The following DOCK1 variants were observed in gnomAD, a reference collection of about 807,000 sequenced individuals.
DOCK1 encodes the protein dedicator of cytokinesis protein 1.
Under a neutral mutation model 262.7 loss-of-function variants are expected in DOCK1, and 138 were observed. The observed-to-expected ratio is 0.53, with a 90% confidence interval of 0.46 to 0.61. The LOEUF is 0.61. DOCK1 is among the 20% of genes least tolerant of loss of function. The pLI is 0.00. For synonymous variants in DOCK1, 866 were observed against 867.4 expected (o/e 1.00, Z 0.03); for missense variants, 1,908 against 2,370.7 (o/e 0.80, Z 4.05).
chr10:127,218,458 C>G (rs1056078234), intron 27 of DOCK1, among the ~76,000 whole-genome samples: 1 of 152,084 alleles, frequency 6.6e-6, no homozygotes, highest in Admixed American at 6.5e-5. Flanking sequence ...AAAGTTAAGA[C>G]TAGAACAGAA....
At chr10:127,030,279 T>C (rs1345516684) in intron 16 of DOCK1, among the ~76,000 whole-genome samples, 1 of 152,206 alleles carries the variant, frequency 6.6e-6, no homozygotes, top group East Asian at 1.9e-4. Flanking sequence ...TTCTGTGCTC[T>C]GCTGGGATTG....
chr10:127,068,537 A>G (rs1158979202), intron 23 of DOCK1, among the ~76,000 whole-genome samples: 1 of 152,180 alleles, frequency 6.6e-6, no homozygotes, highest in Non-Finnish European at 1.5e-5. Context: ...CAAAGCAGCC[A>G]TTTATTGTGT....
rs117173752 is a variant in DOCK1, at chr10:127,273,233, T to C, written c.3044+15804T>C. On this transcript the variant is annotated intron_variant, in intron 29 of 51. Coordinates refer to ENST00000623213, the MANE Select transcript of DOCK1 (RefSeq NM_001290223.2). ...GCAGTGGGTGGATGTAGGGCTGGGC[T>C]CCTTGGACCGAGGCTGAACCATAAA... is the stretch of plus-strand genomic sequence containing the variant. Among the ~76,000 whole-genome samples, 15 of 152,320 alleles carry C rather than the reference T, an allele frequency of 9.8e-5. No homozygotes were observed. In the East Asian group the frequency reaches 2.9e-3, roughly 29 times the overall value.
chr10:127,193,464 T>A (rs2056889337), intron 27 of DOCK1, among the ~76,000 whole-genome samples: 1 of 152,090 alleles, frequency 6.6e-6, no homozygotes, highest in Non-Finnish European at 1.5e-5. Flanking sequence ...CTTTGGGAGG[T>A]AGCTGTGATC....
chr10:127,163,020 G>A (rs980366739), intron 27 of DOCK1, among the ~76,000 whole-genome samples: 5 of 152,126 alleles, frequency 3.3e-5, no homozygotes, highest in African/African-American at 4.8e-5. Context: ...TCCTTGGTCC[G>A]GGCCCGGCTT....
chr10:127,077,584 T>C (rs1032921755), intron 23 of DOCK1, among the ~76,000 whole-genome samples: 6 of 152,094 alleles, frequency 3.9e-5, no homozygotes, highest in Non-Finnish European at 4.4e-5. Context: ...TACTCGACTT[T>C]ATAGCATATT....
intron 14 of DOCK1, among the ~76,000 whole-genome samples, chr10:127,023,897 T>G (rs1402322936): frequency 6.6e-6 from 1 of 152,174 alleles, no homozygotes; most frequent in African/African-American, 2.4e-5. Context: ...AGAAATCAAT[T>G]AAATTGCTCA....
chr10:126,990,039 T>G (rs1565037047), intron 5 of DOCK1, among the ~76,000 whole-genome samples: 1 of 152,142 alleles, frequency 6.6e-6, no homozygotes, highest in Non-Finnish European at 1.5e-5. Flanking sequence ...CAGGGTGTTC[T>G]GAAGACCGTA....
chr10:127,129,441 A>G (rs2791754), intron 27 of DOCK1, among the ~76,000 whole-genome samples: 125,015 of 152,200 alleles, frequency 0.82, 52,048 homozygotes, highest in East Asian at 0.94. Context: ...TTACATAAAC[A>G]TAAATTTGCC....
At chr10:127,260,811 GTCCCTGCA>G (rs2060014634) in intron 29 of DOCK1, among the ~76,000 whole-genome samples, 3 of 145,664 alleles carry the variant, frequency 2.1e-5, no homozygotes, top group East Asian at 2.1e-4. Context: ...TCATCTGTGT[GTCCCTGCA>G]TGTGTGTGCA....
intron 29 of DOCK1, 61 bp downstream of exon 29, chr10:127,257,490 A>C: frequency 1.4e-6 from 2 of 1,473,508 alleles, no homozygotes; most frequent in Non-Finnish European, 9.3e-7. Flanking sequence ...TCTGCTGGGA[A>C]CAGTGGTGTT....
chr10:127,124,593 C>T (rs938957517), intron 25 of DOCK1, among the ~76,000 whole-genome samples: 13 of 152,230 alleles, frequency 8.5e-5, no homozygotes, highest in African/African-American at 3.1e-4. Flanking sequence ...GAAACCCAAA[C>T]CTGCTTTGCC....
intron 1 of DOCK1, among the ~76,000 whole-genome samples, chr10:126,912,517 T>G (rs541872543): frequency 5.8e-4 from 87 of 149,790 alleles, no homozygotes; most frequent in Admixed American, 1.1e-3. Context: ...ACGAGGTCAG[T>G]AGATCGAGAC....
chr10:127,229,532 A>G (rs910663129), intron 27 of DOCK1, among the ~76,000 whole-genome samples: 1 of 152,114 alleles, frequency 6.6e-6, no homozygotes, highest in Non-Finnish European at 1.5e-5. Flanking sequence ...AATGCCCTCC[A>G]GGTCCATCTA....
At chr10:127,185,092 C>T (rs2056105361) in intron 27 of DOCK1, among the ~76,000 whole-genome samples, 1 of 152,180 alleles carries the variant, frequency 6.6e-6, no homozygotes. Flanking sequence ...GGGAGATGTG[C>T]AAGAGCAGGC....
intron 27 of DOCK1, among the ~76,000 whole-genome samples, chr10:127,168,696 T>C (rs1415318289): frequency 6.6e-6 from 1 of 152,144 alleles, no homozygotes; most frequent in African/African-American, 2.4e-5. Context: ...CATAGCCAAA[T>C]TGGGATGGGA....
At chr10:127,153,960 G>A (rs368596042) in intron 27 of DOCK1, 4 of 1,513,452 alleles carry the variant, frequency 2.6e-6, no homozygotes, top group Non-Finnish European at 2.8e-6. Context: ...ACAAGCGGTG[G>A]CTGGGGGTCA....
chr10:127,342,076 G>T (rs1490716768), intron 30 of DOCK1, among the ~76,000 whole-genome samples: 1 of 147,518 alleles, frequency 6.8e-6, no homozygotes, highest in Non-Finnish European at 1.5e-5. Context: ...TGCTGCTGCT[G>T]TTGCTGTTGC....
chr10:127,440,462 A>T (rs912808172), intron 49 of DOCK1, among the ~76,000 whole-genome samples: 2 of 152,182 alleles, frequency 1.3e-5, no homozygotes, highest in African/African-American at 4.8e-5. Context: ...AAAATAAAGA[A>T]GGAGTTCTCA....
Sources: allele counts gnomAD v4.1 joint callset (sites outside exome capture counted in the v4.1 genomes callset), GRCh38; gene constraint gnomAD v4.1.1; transcripts MANE v1.5; gene names NCBI Gene and HGNC (gene_info 2026-07-23, HGNC 2026-07-21).